USP9X: variants seen among roughly 807,000 people sequenced by gnomAD.
The protein encoded by USP9X is ubiquitin carboxyl-terminal hydrolase 9X.
A neutral mutation model predicts 190.3 loss-of-function variants in USP9X; 7 were observed. The observed-to-expected ratio is 0.04, with a 90% CI of 0.02 to 0.07. The LOEUF (loss-of-function observed/expected upper bound fraction) is 0.07, where lower values mean the gene tolerates loss of function less well. USP9X is among the 10% of genes least tolerant of loss of function. The probability of loss-of-function intolerance (pLI) is 1.00; values close to 1 mark genes in which losing one functional copy is unlikely to be tolerated. For missense variants in USP9X, 1,010 were observed against 1,916.9 expected, an observed-to-expected ratio of 0.53 and a Z score of 8.83; for synonymous variants, 645 against 659.5, an observed-to-expected ratio of 0.98 and a Z score of 0.34.
At chrX:41,141,259 T>C in intron 8 of USP9X, 34 bp from the exon 9 acceptor site, 1 of 1,197,764 alleles carries the variant, frequency 8.3e-7, no homozygotes, top group Non-Finnish European at 1.1e-6. Flanking sequence ...ATGCCGATTT[T>C]AGAATCATAC....
At chrX:41,159,082 G>A (rs967129542) in intron 14 of USP9X, among the ~76,000 whole-genome samples, 33 of 111,333 alleles carry the variant, frequency 3.0e-4, no homozygotes, top group Admixed American at 2.6e-3. Context: ...TGAGGCATTA[G>A]CCAGGATAAC....
rs753404204 is a variant in USP9X at position 41,179,921 on chromosome X, G to A, written c.3149-4077G>A. ...TATCTATCCCCATCTTCACTACACC[G>A]TCAGTAATTTGTTGACAGCTGTTTA... On this transcript the variant is annotated intron_variant, in intron 21 of 44. Coordinates refer to ENST00000378308, the MANE Select transcript of USP9X (RefSeq NM_001039591.3). Among the ~76,000 whole-genome samples the A allele has an allele frequency of 1.5e-4, 17 of 111,573 alleles. No individual in the cohort carries two copies. In the East Asian group the frequency reaches 3.4e-3, roughly 22 times the overall value.
chrX:41,092,525 C>T (rs1409872296), intron 1 of USP9X, among the ~76,000 whole-genome samples: 1 of 111,471 alleles, frequency 9.0e-6, no homozygotes, highest in East Asian at 2.8e-4. Flanking sequence ...GAGTTCAGAG[C>T]ACAGGGATCA....
At chrX:41,158,014 G>A (rs775254463) in intron 14 of USP9X, among the ~76,000 whole-genome samples, 1 of 110,826 alleles carries the variant, frequency 9.0e-6, no homozygotes. Flanking sequence ...TCATAAGAGG[G>A]GCTAAACAAT....
chrX:41,224,509 A>ATG (rs1180044211), intron 39 of USP9X, among the ~76,000 whole-genome samples: 1 of 110,225 alleles, frequency 9.1e-6, no homozygotes, highest in Non-Finnish European at 1.9e-5. Context: ...GGTGACGTGC[A>ATG]CCTGTAGTCC....
In USP9X at chrX:41,216,452, A is replaced by T; in HGVS notation, c.5885A>T (p.Asp1962Val). The T allele has an allele frequency of 1.7e-6, 2 of 1,211,688 alleles. No individual in the cohort carries two copies. Among genetic ancestry groups the T allele is most frequent in the Non-Finnish European group, 2.2e-6 (2 of 895,520 alleles). ...FYERMDTIDQ[D>V]DELIRYISEL... ...GAACGAATGGACACAATAGACCAAGATGATGAGTTGATAAGATATATATCA... is the reference window on the plus strand; with the variant it reads ...GAACGAATGGACACAATAGACCAAGTTGATGAGTTGATAAGATATATATCA... Residue 1962 changes from aspartate (D) to valine (V), a missense_variant, in exon 35 of 45, where the codon GAT becomes GTT. Transcript: ENST00000378308.
At chrX:41,113,429 C>G (rs1233891770) in intron 1 of USP9X, among the ~76,000 whole-genome samples, 1 of 110,906 alleles carries the variant, frequency 9.0e-6, no homozygotes, top group Non-Finnish European at 1.9e-5. Flanking sequence ...CTCCAACTCC[C>G]GATTTGTGAT....
intron 9 of USP9X, 47 bp downstream of exon 9, chrX:41,141,478 C>T (rs1569165853): frequency 9.3e-7 from 1 of 1,075,997 alleles, no homozygotes; most frequent in Non-Finnish European, 1.2e-6. Context: ...CTACTTAAGA[C>T]AAGAAATTAG....
Position 41,225,123 on chromosome X carries a change from C to T in USP9X, c.7047C>T (p.Ser2349=). The T allele has an allele frequency of 2.5e-6, 3 of 1,211,012 alleles. No homozygotes were observed. In the African/African-American group the frequency reaches 5.2e-5, roughly 21 times the overall value. The change falls in exon 41 of 45, where the codon TCC becomes TCT. Residue 2349 remains serine (S), a synonymous_variant. Transcript: ENST00000378308. ...TGCAAATCTTACTGATTGAGGACTC[C>T]TGGCAAACTCACAGGTGGATACTCT... ...LLLQILLIED[S]WQTHRIHNAL...
chrX:41,137,287 A>G (rs958891290), intron 6 of USP9X, among the ~76,000 whole-genome samples: 2 of 111,366 alleles, frequency 1.8e-5, no homozygotes, highest in Non-Finnish European at 3.8e-5. Context: ...TTTCTTTGAA[A>G]TAGAGTAGGA....
intron 21 of USP9X, 143 bp from the exon 22 acceptor site, chrX:41,183,855 C>A: frequency 1.5e-6 from 1 of 680,171 alleles, no homozygotes; most frequent in Non-Finnish European, 2.0e-6. Context: ...CATTCCAGGT[C>A]TTGTCATGTC....
chrX:41,172,148 CAAAAA>C lies in USP9X; in HGVS notation c.3148+196_3148+200del, dbSNP rs143523515. On this transcript the variant is annotated intron_variant, in intron 21 of 44. Coordinates refer to ENST00000378308, the MANE Select transcript of USP9X (RefSeq NM_001039591.3). Reference sequence around the variant, plus strand: ...CAAGAGCTATATTTTTAAGTGGCTACAAAAAAAAAATCTAGAAGAATAATATTTTG... The same window carrying C: ...CAAGAGCTATATTTTTAAGTGGCTACAAAAATCTAGAAGAATAATATTTTG... Among the ~76,000 whole-genome samples the C allele has an allele frequency of 2.6e-3, 272 of 105,273 alleles. 1 individual carries two copies. The highest frequency in any genetic ancestry group is 9.0e-3 in the African/African-American group (262 of 29,031). The allele number at this position is 105,273 out of a possible 115,157, so 91.4% of individuals were successfully genotyped here.
At chrX:41,090,118 G>C (rs1353172257) in intron 1 of USP9X, among the ~76,000 whole-genome samples, 1 of 107,685 alleles carries the variant, frequency 9.3e-6, no homozygotes, top group Non-Finnish European at 1.9e-5. Context: ...TGTTGCCTAA[G>C]CTGGTCTTGA....
At chrX:41,110,783 T>G (rs2062103458) in intron 1 of USP9X, among the ~76,000 whole-genome samples, 1 of 112,041 alleles carries the variant, frequency 8.9e-6, no homozygotes, top group South Asian at 3.7e-4. Context: ...TAAAGGCTGA[T>G]TATGAATGAC....
At chrX:41,137,460 A>G (rs992515239) in intron 6 of USP9X, among the ~76,000 whole-genome samples, 1 of 111,892 alleles carries the variant, frequency 8.9e-6, no homozygotes, top group African/African-American at 3.2e-5. Flanking sequence ...TAAATCTTCC[A>G]AATCTCACTT....
chrX:41,194,631 A>G (rs1046560074), intron 26 of USP9X, among the ~76,000 whole-genome samples: 1 of 111,571 alleles, frequency 9.0e-6, no homozygotes, highest in Non-Finnish European at 1.9e-5. Context: ...TTATCCATGA[A>G]ATGCAGTTTG....
At chrX:41,121,129 G>A (rs2062187865) in intron 1 of USP9X, among the ~76,000 whole-genome samples, 1 of 110,922 alleles carries the variant, frequency 9.0e-6, no homozygotes, top group South Asian at 3.8e-4. Flanking sequence ...AATTACAGGC[G>A]TGAGCCACTG....
rs758704238 is a variant in USP9X at position 41,183,983 on chromosome X, C to CT, written c.3149-8dup. The CT allele has an allele frequency of 8.4e-3, 10,029 of 1,192,392 alleles. 37 individuals carry two copies. Among genetic ancestry groups the CT allele is most frequent in the Non-Finnish European group, 0.01 (9,072 of 888,788 alleles). On this transcript the variant is annotated splice_polypyrimidine_tract_variant and intron_variant, in intron 21 of 44. Transcript: ENST00000378308. ...CATGAATTACATTTTCACACTGTCT[C>CT]TTTTTTTCCTCCAGATAGCACAACG...
intron 10 of USP9X, among the ~76,000 whole-genome samples, chrX:41,144,157 T>A (rs1283687951): frequency 2.7e-5 from 3 of 111,233 alleles, no homozygotes; most frequent in Non-Finnish European, 5.7e-5. Flanking sequence ...CTGTATTTAT[T>A]ATATCATGAA....
Sources: allele counts gnomAD v4.1 joint callset (sites outside exome capture counted in the v4.1 genomes callset), GRCh38; gene constraint gnomAD v4.1.1; transcripts MANE v1.5; gene names NCBI Gene and HGNC (gene_info 2026-07-23, HGNC 2026-07-21).